MALRD1: variants seen among roughly 807,000 people sequenced by gnomAD.
The protein encoded by MALRD1 is MAM and LDL receptor class A domain containing 1.
A neutral mutation model predicts 242.1 loss-of-function variants in MALRD1; 247 were observed. The ratio of observed to expected loss-of-function variants is 1.02; its 90% CI spans 0.92 to 1.13. The LOEUF (loss-of-function observed/expected upper bound fraction) is 1.13. MALRD1 is among the 50% of genes most tolerant of loss of function. The probability of loss-of-function intolerance (pLI) is 0.00; values close to 1 mark genes in which losing one functional copy is unlikely to be tolerated. For synonymous variants in MALRD1, 995 were observed against 866.6 expected (o/e 1.15, Z -2.60); for missense variants, 2,989 against 2,533.1 (o/e 1.18, Z -3.86).
At chr10:19,351,433 C>T (rs555896596) in intron 25 of MALRD1, among the ~76,000 whole-genome samples, 22 of 152,196 alleles carry the variant, frequency 1.4e-4, no homozygotes, top group African/African-American at 4.3e-4. Context: ...TCTGTGAAGG[C>T]CCATTTGTAG....
chr10:19,203,660 G>A lies in MALRD1; in HGVS notation c.1952-68G>A. ...GCATAATAAGGTGAATTCTATTTGA[G>A]CTCTGCCTTTTCAAAGTGTGGGAGC... On this transcript the variant is annotated intron_variant, in intron 14 of 39. Coordinates refer to ENST00000454679, the MANE Select transcript of MALRD1 (RefSeq NM_001142308.3). 8 of 1,418,550 alleles carry A rather than the reference G, an allele frequency of 5.6e-6. No individual in the cohort carries two copies. In the South Asian group the frequency reaches 1.2e-4, roughly 21 times the overall value. The allele number at this position is 1,418,550 out of a possible 1,614,324, so 87.9% of individuals were successfully genotyped here. A position where few individuals can be genotyped will look rare whatever the true frequency, so the allele number is the denominator to read the frequency against.
chr10:19,579,863 T>G (rs1837019930), intron 33 of MALRD1, among the ~76,000 whole-genome samples: 1 of 152,192 alleles, frequency 6.6e-6, no homozygotes, highest in Admixed American at 6.5e-5. Flanking sequence ...GGGCCTAAAG[T>G]TAGAAGTCAG....
intron 10 of MALRD1, among the ~76,000 whole-genome samples, chr10:19,144,517 G>T (rs531322289): frequency 6.6e-6 from 1 of 152,342 alleles, no homozygotes; most frequent in African/African-American, 2.4e-5. Context: ...ATAAAATCAG[G>T]TGTCCCTATT....
intron 19 of MALRD1, 93 bp downstream of exon 19, chr10:19,257,864 C>T (rs1037929281): frequency 1.9e-5 from 17 of 877,416 alleles, no homozygotes; most frequent in Non-Finnish European, 2.2e-5. Flanking sequence ...ACAAAATTTC[C>T]AATATGACCT....
At chr10:19,566,431 G>A (rs559176080) in intron 32 of MALRD1, among the ~76,000 whole-genome samples, 96 of 150,132 alleles carry the variant, frequency 6.4e-4, no homozygotes, top group African/African-American at 2.2e-3. Context: ...GAGCCACCAC[G>A]CCAGGCCATA....
At chr10:19,472,319 A>G (rs12220491) in intron 29 of MALRD1, among the ~76,000 whole-genome samples, 48,795 of 151,474 alleles carry the variant, frequency 0.32, 8,406 homozygotes, top group East Asian at 0.42. Flanking sequence ...TTTGCTGAGG[A>G]TTTTGCATGG....
Position 19,331,477 on chromosome 10 carries a change from GAT to G in MALRD1, c.3797_3798del (p.Asp1266AlafsTer2), listed in dbSNP as rs1355149312. 2.6e-6 allele frequency: 4 copies of G among 1,550,230 alleles called. No homozygotes were observed. Among genetic ancestry groups the G allele is most frequent in the Non-Finnish European group, 3.5e-6 (4 of 1,146,810 alleles). On this transcript the variant is annotated frameshift_variant, in exon 24 of 40. Transcript: ENST00000454679. LOFTEE classifies it high-confidence loss of function. Reference sequence around the variant, plus strand: ...GCTTAGCCCAGAGAGAAAGTGTACTGATCATGAATTCATGTGTGCTAATAAGC... The same window carrying G: ...GCTTAGCCCAGAGAGAAAGTGTACTGCATGAATTCATGTGTGCTAATAAGC... ...PLLSPERKCTDHEFMCANKHC... is the reference protein window; with the variant it reads ...PLLSPERKCTXHEFMCANKHC...
chr10:19,099,629 G>A (rs1836175014), intron 4 of MALRD1, among the ~76,000 whole-genome samples: 1 of 151,620 alleles, frequency 6.6e-6, no homozygotes, highest in Non-Finnish European at 1.5e-5. Context: ...AAATGAGGTG[G>A]GTGTTTGGGA....
intron 14 of MALRD1, among the ~76,000 whole-genome samples, chr10:19,203,208 C>G (rs957482180): frequency 1.3e-5 from 2 of 151,970 alleles, no homozygotes; most frequent in Non-Finnish European, 2.9e-5. Flanking sequence ...TTATTTTCTG[C>G]ACCAATTAGG....
chr10:19,071,782 G>A (rs1283038295), intron 2 of MALRD1, among the ~76,000 whole-genome samples: 2 of 152,086 alleles, frequency 1.3e-5, no homozygotes, highest in Admixed American at 6.6e-5. Flanking sequence ...GACCAAACAT[G>A]GAGACAAGAA....
chr10:19,485,646 T>TA (rs3045358), intron 29 of MALRD1, among the ~76,000 whole-genome samples: 43,519 of 145,266 alleles, frequency 0.3, 6,553 homozygotes, highest in East Asian at 0.44. Flanking sequence ...CCGTCTCAAT[T>TA]AAAAAAAAAA....
chr10:19,551,527 T>C (rs945112411), intron 32 of MALRD1, among the ~76,000 whole-genome samples: 1 of 152,162 alleles, frequency 6.6e-6, no homozygotes, highest in African/African-American at 2.4e-5. Context: ...GTTTTCTAGA[T>C]ATAGGATCAT....
At chr10:19,394,497 A>G (rs1589015691) in intron 28 of MALRD1, among the ~76,000 whole-genome samples, 1 of 152,190 alleles carries the variant, frequency 6.6e-6, no homozygotes, top group Admixed American at 6.5e-5. Context: ...GCTTCCTTTG[A>G]TTACGTAAAA....
intron 28 of MALRD1, among the ~76,000 whole-genome samples, chr10:19,448,476 T>C (rs1191202845): frequency 6.6e-6 from 1 of 151,928 alleles, no homozygotes. Context: ...TTATGATTTG[T>C]TAAATCATCT....
At chr10:19,504,828 G>C (rs1251134166) in intron 31 of MALRD1, among the ~76,000 whole-genome samples, 1 of 150,744 alleles carries the variant, frequency 6.6e-6, no homozygotes, top group Non-Finnish European at 1.5e-5. Flanking sequence ...GACTACAGGC[G>C]CCCGCCACCG....
chr10:19,673,603 T>C (rs1447396939), intron 36 of MALRD1, among the ~76,000 whole-genome samples: 1 of 152,136 alleles, frequency 6.6e-6, no homozygotes, highest in African/African-American at 2.4e-5. Context: ...TAGGCAAATA[T>C]TGGCTTATTT....
At chr10:19,056,197 G>A (rs1435885561) in intron 1 of MALRD1, among the ~76,000 whole-genome samples, 1 of 151,946 alleles carries the variant, frequency 6.6e-6, no homozygotes, top group Non-Finnish European at 1.5e-5. Flanking sequence ...ATTTCATATG[G>A]ATTTAAGTTT....
chr10:19,132,494 G>T (rs1430006602), intron 8 of MALRD1, among the ~76,000 whole-genome samples: 3 of 152,188 alleles, frequency 2.0e-5, no homozygotes, highest in Non-Finnish European at 4.4e-5. Context: ...TTCGAAATTT[G>T]GAGTAAGCAT....
intron 14 of MALRD1, among the ~76,000 whole-genome samples, chr10:19,192,579 A>G (rs1326764237): frequency 6.6e-6 from 1 of 152,160 alleles, no homozygotes; most frequent in Non-Finnish European, 1.5e-5. Flanking sequence ...ATAAGCCAGG[A>G]AGATTTCCCC....
Sources: allele counts gnomAD v4.1 joint callset (sites outside exome capture counted in the v4.1 genomes callset), GRCh38; gene constraint gnomAD v4.1.1; transcripts MANE v1.5; gene names NCBI Gene and HGNC (gene_info 2026-07-23, HGNC 2026-07-21).